Variants in RGS7BP observed in about 807,000 individuals in gnomAD.
RGS7BP encodes regulator of G protein signaling 7-binding protein.
RGS7BP carries 9 observed loss-of-function variants against 31.3 expected under a neutral mutation model. The observed-to-expected ratio is 0.29, with a 90% CI of 0.17 to 0.50. The LOEUF is 0.50. Among genes scored for constraint, RGS7BP ranks in the 20% least tolerant of loss-of-function variants. The pLI, the probability that RGS7BP is intolerant of heterozygous loss-of-function variation, is 0.98. For missense variants in RGS7BP, 274 were observed against 322.0 expected (o/e 0.85, Z 1.14); for synonymous variants, 115 against 120.1 (o/e 0.96, Z 0.28).
chr5:64,592,673 T>C (rs1561347283), intron 3 of RGS7BP, among the ~76,000 whole-genome samples: 3 of 152,112 alleles, frequency 2.0e-5, no homozygotes. Context: ...AGGAATAATA[T>C]GGCCCCAAAG....
intron 2 of RGS7BP, among the ~76,000 whole-genome samples, chr5:64,553,501 A>ATTCT (rs1297108189): frequency 1.9e-4 from 29 of 151,480 alleles, no homozygotes; most frequent in African/African-American, 5.3e-4. Context: ...TCTTTTCTAC[A>ATTCT]TTCTTTCTTT....
At chr5:64,596,180 G>C (rs1322082201) in intron 4 of RGS7BP, among the ~76,000 whole-genome samples, 1 of 152,174 alleles carries the variant, frequency 6.6e-6, no homozygotes, top group Non-Finnish European at 1.5e-5. Flanking sequence ...ATGGCAGTAA[G>C]AGTAGGATAG....
chr5:64,571,722 T>A (rs2111889038), intron 2 of RGS7BP, among the ~76,000 whole-genome samples: 1 of 152,286 alleles, frequency 6.6e-6, no homozygotes, highest in South Asian at 2.1e-4. Flanking sequence ...ATTCATGTCA[T>A]CCTCCTCCTA....
chr5:64,604,747 G>T (rs140117519), intron 5 of RGS7BP, among the ~76,000 whole-genome samples: 1 of 152,158 alleles, frequency 6.6e-6, no homozygotes, highest in African/African-American at 2.4e-5. Flanking sequence ...ATAGATATTT[G>T]TAACTGCAGT....
chr5:64,610,034 C>T lies in RGS7BP; in HGVS notation c.*782C>T, dbSNP rs1007719899. The T allele has an allele frequency of 2.0e-5, 3 of 152,372 alleles. No individual in the cohort carries two copies. Among genetic ancestry groups the T allele is most frequent in the Non-Finnish European group, 2.9e-5 (2 of 67,942 alleles). 9.4% of individuals were successfully genotyped at this position (152,372 alleles called of 1,614,324 possible). ...GTGTAGTAACATATACAATTGCCCT[C>T]AAATGTAAAATCAAATATTATTACA... On this transcript the variant is annotated 3_prime_UTR_variant, in exon 6 of 6. Coordinates refer to ENST00000334025, the MANE Select transcript of RGS7BP (RefSeq NM_001029875.3).
At chr5:64,522,772 G>C (rs542679705) in intron 2 of RGS7BP, among the ~76,000 whole-genome samples, 1 of 152,238 alleles carries the variant, frequency 6.6e-6, no homozygotes, top group South Asian at 2.1e-4. Context: ...CTAAGTTTTA[G>C]TATTAGGTTA....
At chr5:64,566,363 G>A (rs1742168915) in intron 2 of RGS7BP, among the ~76,000 whole-genome samples, 1 of 152,132 alleles carries the variant, frequency 6.6e-6, no homozygotes, top group East Asian at 1.9e-4. Context: ...TGTAAGTTAG[G>A]TGCAGAATAG....
At chr5:64,594,645 C>T in intron 3 of RGS7BP, 65 bp from the exon 4 acceptor site, 1 of 1,518,568 alleles carries the variant, frequency 6.6e-7, no homozygotes, top group South Asian at 1.1e-5. Context: ...TGACATCCTG[C>T]ATATAGAACC....
At chr5:64,517,110 A>G (rs1226590388) in intron 2 of RGS7BP, among the ~76,000 whole-genome samples, 1 of 151,392 alleles carries the variant, frequency 6.6e-6, no homozygotes, top group African/African-American at 2.4e-5. Flanking sequence ...TTCTTTGTTT[A>G]TGGCTTCTAT....
chr5:64,556,999 A>G (rs1403320646), intron 2 of RGS7BP, among the ~76,000 whole-genome samples: 1 of 152,142 alleles, frequency 6.6e-6, no homozygotes, highest in Admixed American at 6.6e-5. Context: ...TGGAGACTTC[A>G]CTTATTCATA....
chr5:64,520,090 A>C (rs1359359594), intron 2 of RGS7BP, among the ~76,000 whole-genome samples: 1 of 152,206 alleles, frequency 6.6e-6, no homozygotes, highest in East Asian at 1.9e-4. Flanking sequence ...AGTATTTTTA[A>C]AATCTCCATT....
At chr5:64,510,689 T>C (rs1748809595) in intron 2 of RGS7BP, among the ~76,000 whole-genome samples, 1 of 152,256 alleles carries the variant, frequency 6.6e-6, no homozygotes, top group African/African-American at 2.4e-5. Context: ...TTTTATGGCA[T>C]ATAAAGTATA....
At chr5:64,586,721 G>C (rs1364689988) in intron 3 of RGS7BP, among the ~76,000 whole-genome samples, 1 of 152,224 alleles carries the variant, frequency 6.6e-6, no homozygotes, top group Non-Finnish European at 1.5e-5. Context: ...CTCAGGCAGA[G>C]TAAAGTTTCA....
chr5:64,525,589 C>T (rs1188910876), intron 2 of RGS7BP, among the ~76,000 whole-genome samples: 1 of 152,168 alleles, frequency 6.6e-6, no homozygotes, highest in Non-Finnish European at 1.5e-5. Flanking sequence ...CCTCTATGTG[C>T]TGGGAATTAT....
At chr5:64,559,134 C>T (rs1046487629) in intron 2 of RGS7BP, among the ~76,000 whole-genome samples, 3 of 152,156 alleles carry the variant, frequency 2.0e-5, no homozygotes, top group African/African-American at 7.2e-5. Flanking sequence ...TACACTCCCT[C>T]CCCTTTGAAA....
intron 2 of RGS7BP, among the ~76,000 whole-genome samples, chr5:64,536,280 G>C (rs769577593): frequency 6.6e-5 from 10 of 152,220 alleles, no homozygotes; most frequent in Non-Finnish European, 1.2e-4. Flanking sequence ...GCAAGAGCTT[G>C]TGAGTACAGT....
intron 2 of RGS7BP, among the ~76,000 whole-genome samples, chr5:64,517,362 A>G (rs998928004): frequency 6.6e-6 from 1 of 152,214 alleles, no homozygotes; most frequent in Non-Finnish European, 1.5e-5. Context: ...GGACTTCATT[A>G]CTAAGGAAAA....
chr5:64,587,872 CT>C (rs1270922361), intron 3 of RGS7BP, among the ~76,000 whole-genome samples: 1 of 152,112 alleles, frequency 6.6e-6, no homozygotes, highest in East Asian at 1.9e-4. Context: ...TTATCCAGCC[CT>C]TTTTGACACA....
intron 4 of RGS7BP, among the ~76,000 whole-genome samples, chr5:64,597,864 AACT>A (rs763837118): frequency 5.9e-5 from 9 of 152,148 alleles, no homozygotes; most frequent in Non-Finnish European, 1.3e-4. Flanking sequence ...AAAGTAACAA[AACT>A]ACACTTGTAC....
Sources: gnomAD v4.1 joint callset for allele counts (sites outside exome capture counted in the v4.1 genomes callset) on GRCh38, gnomAD v4.1.1 for gene constraint, MANE v1.5 for transcripts, NCBI Gene and HGNC (gene_info 2026-07-23, HGNC 2026-07-21) for gene names.